The following ZFPM2 variants were observed in gnomAD, a reference collection of about 807,000 sequenced individuals.
ZFPM2 encodes zinc finger protein, FOG family member 2.
ZFPM2 carries 20 observed loss-of-function variants against 98.6 expected under a neutral mutation model. That is an observed-to-expected ratio of 0.20 (90% confidence interval 0.14 to 0.29). The LOEUF (loss-of-function observed/expected upper bound fraction) is 0.29. Ranked by LOEUF, ZFPM2 falls within the 10% of genes least tolerant of loss-of-function variation. The pLI is 1.00. For synonymous variants in ZFPM2, 518 were observed against 502.7 expected (o/e 1.03, Z -0.41); for missense variants, 1,310 against 1,388.6 (o/e 0.94, Z 0.90).
intron 5 of ZFPM2, among the ~76,000 whole-genome samples, chr8:105,710,399 C>G (rs1386443020): frequency 6.6e-6 from 1 of 152,036 alleles, no homozygotes. Context: ...ATAAGCATAT[C>G]ACTTCTGCCT....
intron 5 of ZFPM2, among the ~76,000 whole-genome samples, chr8:105,689,319 C>G (rs1290452329): frequency 6.6e-6 from 1 of 152,098 alleles, no homozygotes; most frequent in Non-Finnish European, 1.5e-5. Context: ...ACTTCAGTAC[C>G]TTTTTATTGC....
intron 1 of ZFPM2, among the ~76,000 whole-genome samples, chr8:105,391,601 A>C (rs1811110892): frequency 6.6e-6 from 1 of 152,214 alleles, no homozygotes; most frequent in Non-Finnish European, 1.5e-5. Context: ...AAATATTCTA[A>C]ATCCTTTATC....
intron 4 of ZFPM2, among the ~76,000 whole-genome samples, chr8:105,592,009 G>A (rs541131086): frequency 1.3e-5 from 2 of 152,260 alleles, no homozygotes; most frequent in East Asian, 3.9e-4. Flanking sequence ...AAGCAGCTTA[G>A]GGTTAATATT....
At chr8:105,345,879 T>C (rs74593145) in intron 1 of ZFPM2, among the ~76,000 whole-genome samples, 5,824 of 152,282 alleles carry the variant, frequency 0.038, 370 homozygotes, top group African/African-American at 0.13. Flanking sequence ...TTCCCACTTA[T>C]ATTTAAAAAT....
intron 2 of ZFPM2, among the ~76,000 whole-genome samples, chr8:105,441,365 T>C (rs1812234415): frequency 6.7e-6 from 1 of 150,280 alleles, no homozygotes; most frequent in South Asian, 2.1e-4. Flanking sequence ...TTCATTGGTA[T>C]TCATTCTGAT....
At chr8:105,588,644 A>G (rs755493931) in intron 4 of ZFPM2, among the ~76,000 whole-genome samples, 4 of 152,086 alleles carry the variant, frequency 2.6e-5, no homozygotes, top group Non-Finnish European at 5.9e-5. Flanking sequence ...CAAACTTTCA[A>G]TCTTCTCTAA....
At chr8:105,795,246 T>TCGTGTGTGTG (rs1554582313) in intron 6 of ZFPM2, among the ~76,000 whole-genome samples, 1,386 of 138,314 alleles carry the variant, frequency 0.01, 21 homozygotes, top group African/African-American at 0.023. Context: ...CATTTTATCT[T>TCGTGTGTGTG]TGTGTGTGTG....
At chr8:105,359,204 C>T (rs796870733) in intron 1 of ZFPM2, among the ~76,000 whole-genome samples, 4 of 152,064 alleles carry the variant, frequency 2.6e-5, no homozygotes, top group Non-Finnish European at 5.9e-5. Flanking sequence ...TTCTCTCTCT[C>T]TCTTGCCTGC....
intron 5 of ZFPM2, among the ~76,000 whole-genome samples, chr8:105,677,188 T>G (rs2130914201): frequency 6.6e-6 from 1 of 151,794 alleles, no homozygotes; most frequent in South Asian, 2.1e-4. Flanking sequence ...CTTTGAAATA[T>G]ATTTTCTCTT....
At chr8:105,518,851 G>T (rs762499641) in intron 3 of ZFPM2, among the ~76,000 whole-genome samples, 3 of 152,200 alleles carry the variant, frequency 2.0e-5, no homozygotes, top group Non-Finnish European at 4.4e-5. Context: ...GAAAGTTGTA[G>T]ATTACTTTGT....
intron 5 of ZFPM2, among the ~76,000 whole-genome samples, chr8:105,654,808 A>G (rs1007214276): frequency 7.9e-5 from 12 of 152,324 alleles, no homozygotes; most frequent in East Asian, 1.9e-4. Flanking sequence ...ACATTCATCT[A>G]TATTTATGAC....
In ZFPM2 at chr8:105,801,288, T is replaced by C. The variant is rs606231252; in HGVS notation, c.1206T>C (p.Ser402=). Residue 402 remains serine (S), a synonymous_variant, in exon 8 of 8, where the codon AGT becomes AGC. Coordinates refer to ENST00000407775, the MANE Select transcript of ZFPM2 (RefSeq NM_012082.4). ...PRESDMEHSP[S]ATEDSLQPAT... The stretch of plus-strand genomic sequence containing the variant: ...AAAGTGACATGGAACACTCTCCAAG[T>C]GCAACTGAAGACAGCTTACAGCCAG... The C allele has an allele frequency of 6.2e-7, 1 of 1,613,748 alleles. No individual in the cohort carries two copies. The highest frequency in any genetic ancestry group is 1.3e-5 in the African/African-American group (1 of 74,884).
chr8:105,381,741 A>T (rs887085488), intron 1 of ZFPM2, among the ~76,000 whole-genome samples: 4 of 152,176 alleles, frequency 2.6e-5, no homozygotes, highest in Admixed American at 2.6e-4. Context: ...TTTTCCCCAA[A>T]GATAGCCTCT....
At chr8:105,766,853 C>T (rs571142903) in intron 5 of ZFPM2, among the ~76,000 whole-genome samples, 1 of 151,912 alleles carries the variant, frequency 6.6e-6, no homozygotes, top group African/African-American at 2.4e-5. Context: ...AAATTTGTTA[C>T]TAAAATCAGC....
intron 1 of ZFPM2, among the ~76,000 whole-genome samples, chr8:105,401,178 GT>G (rs924398262): frequency 1.2e-4 from 18 of 151,276 alleles, no homozygotes; most frequent in Non-Finnish European, 1.8e-4. Context: ...AATTCTAGGA[GT>G]TTTTTACTGT....
intron 1 of ZFPM2, among the ~76,000 whole-genome samples, chr8:105,373,521 A>T (rs763540888): frequency 6.6e-6 from 1 of 152,216 alleles, no homozygotes; most frequent in Non-Finnish European, 1.5e-5. Flanking sequence ...TGGGCCTTAC[A>T]GTCATCATTA....
chr8:105,661,199 A>G (rs1817381958), intron 5 of ZFPM2, among the ~76,000 whole-genome samples: 1 of 152,190 alleles, frequency 6.6e-6, no homozygotes, highest in Non-Finnish European at 1.5e-5. Flanking sequence ...CAATTACATG[A>G]GTTAAGAGGA....
intron 6 of ZFPM2, among the ~76,000 whole-genome samples, chr8:105,794,254 T>A (rs1177921971): frequency 6.6e-6 from 1 of 152,172 alleles, no homozygotes; most frequent in African/African-American, 2.4e-5. Flanking sequence ...GGGTTTTTGG[T>A]GTGGATGTCC....
intron 4 of ZFPM2, among the ~76,000 whole-genome samples, chr8:105,594,004 C>T (rs1815910792): frequency 6.6e-6 from 1 of 152,070 alleles, no homozygotes; most frequent in Non-Finnish European, 1.5e-5. Context: ...AGCAGGGCTT[C>T]TAGGTATTAA....
Sources: gnomAD v4.1 joint callset for allele counts (sites outside exome capture counted in the v4.1 genomes callset) on GRCh38, gnomAD v4.1.1 for gene constraint, MANE v1.5 for transcripts, NCBI Gene and HGNC (gene_info 2026-07-23, HGNC 2026-07-21) for gene names.